EVC2: variants seen among roughly 807,000 people sequenced by gnomAD.
The protein encoded by EVC2 is limbin.
In EVC2, 148 loss-of-function variants were observed where a neutral mutation model predicts 149.3. That is an observed-to-expected ratio of 0.99 (90% confidence interval 0.87 to 1.14). The LOEUF (loss-of-function observed/expected upper bound fraction) is 1.14, where lower values mean the gene tolerates loss of function less well. EVC2 is among the 50% of genes most tolerant of loss of function. The probability of loss-of-function intolerance (pLI) is 0.00; values close to 1 mark genes in which losing one functional copy is unlikely to be tolerated. For missense variants in EVC2, 1,854 were observed against 1,627.3 expected, an observed-to-expected ratio of 1.14 and a Z score of -2.40; for synonymous variants, 776 against 649.9, an observed-to-expected ratio of 1.19 and a Z score of -2.95.
chr4:5,647,066 T>C (rs559882132), intron 9 of EVC2, among the ~76,000 whole-genome samples: 1 of 152,302 alleles, frequency 6.6e-6, no homozygotes, highest in East Asian at 1.9e-4. Flanking sequence ...CTGCAACTGC[T>C]TGATATGGAT....
intron 8 of EVC2, 143 bp downstream of exon 8, chr4:5,665,372 G>A (rs1411017697): frequency 1.7e-5 from 20 of 1,205,220 alleles, no homozygotes; most frequent in Non-Finnish European, 2.3e-5. Flanking sequence ...CAGCAGTTTT[G>A]GAGGTGGGCC....
At chr4:5,558,989 T>G (rs955679093), downstream of EVC2, among the ~76,000 whole-genome samples, 1 of 152,040 alleles carries the variant, frequency 6.6e-6, no homozygotes, top group Non-Finnish European at 1.5e-5. Context: ...GTCTTGGAGT[T>G]TGAGACCAGC....
downstream of EVC2, among the ~76,000 whole-genome samples, chr4:5,560,906 T>C (rs1475919094): frequency 6.6e-6 from 1 of 152,174 alleles, no homozygotes; most frequent in Non-Finnish European, 1.5e-5. The surrounding 1 kb of genome is among the most constrained non-coding windows in gnomAD (Gnocchi z 4.1). Context: ...AACACAGGCT[T>C]TCCCCAACAC....
chr4:5,631,961 G>A lies in EVC2; in HGVS notation c.1542C>T (p.Leu514=), dbSNP rs376252506. ...CAAAGTCTTCTTCTTGTTGCAAAGC[G>A]AGAGACTTCCTCAAGTGCTCCTGTT... is the stretch of plus-strand genomic sequence containing the variant. ...GLEQEHLRKS[L]ALQQEEDFAK... is the part of the protein sequence containing the mutation. The change falls in exon 11 of 22, where the codon CTC becomes CTT. Residue 514 remains leucine, a synonymous_variant. Transcript: ENST00000344408. The A allele has an allele frequency of 6.1e-5, 99 of 1,614,098 alleles. No individual in the cohort carries two copies. Among genetic ancestry groups the A allele is most frequent in the Non-Finnish European group, 7.6e-5 (90 of 1,180,050 alleles).
At position 5,637,721 on chromosome 4, in the gene EVC2, A is replaced by G. The variant is rs867243716; in HGVS notation, c.1470+2793T>C. Among the ~76,000 whole-genome samples, 1 of 152,116 alleles carries G rather than the reference A, an allele frequency of 6.6e-6. No individual in the cohort carries two copies. Among genetic ancestry groups the G allele is most frequent in the Non-Finnish European group, 1.5e-5 (1 of 67,994 alleles). ...TGAAGGCTGCCTGAGCCATCCCTGT[A>G]TCTCCAGGGTTAGGTATACAATAGA... On this transcript the variant is annotated intron_variant, in intron 10 of 21. Coordinates refer to ENST00000344408, the MANE Select transcript of EVC2 (RefSeq NM_147127.5). This position sits in a 1 kb window ranked among gnomAD's most constrained non-coding sequence, Gnocchi z 4.4.
In EVC2 at chr4:5,657,560, T is replaced by C. The variant is rs1718604432; in HGVS notation, c.1145+5547A>G. Among the ~76,000 whole-genome samples the C allele has an allele frequency of 6.6e-6, 1 of 151,928 alleles. No individual in the cohort carries two copies. The highest frequency in any genetic ancestry group is 1.5e-5 in the Non-Finnish European group (1 of 67,982). ...CTAATCTTTGCTATCATGTACCTTA[T>C]AGCCTCAAATTTTCTCTGCAGGCGA... On this transcript the variant is annotated intron_variant, in intron 9 of 21. Coordinates refer to ENST00000344408, the MANE Select transcript of EVC2 (RefSeq NM_147127.5). The surrounding 1 kb of genome is among the most constrained non-coding windows in gnomAD (Gnocchi z 4.7).
intron 4 of EVC2, among the ~76,000 whole-genome samples, chr4:5,690,780 C>G (rs1404732222): frequency 6.6e-6 from 1 of 152,110 alleles, no homozygotes; most frequent in Non-Finnish European, 1.5e-5. Flanking sequence ...TAATCTATAC[C>G]CTTTCTCTGT....
the EVC2 span, among the ~76,000 whole-genome samples, chr4:5,531,301 A>T: frequency 3.9e-5 from 6 of 152,174 alleles, no homozygotes; most frequent in Non-Finnish European, 7.4e-5. Flanking sequence ...CCTTGGTTTC[A>T]GGAGATTGGT....
At chr4:5,678,859 C>T (rs145775376) in intron 7 of EVC2, among the ~76,000 whole-genome samples, 1,717 of 151,982 alleles carry the variant, frequency 0.011, 33 homozygotes, top group East Asian at 0.061. Context: ...GGTAAAACCC[C>T]GTCTCTACTA....
At chr4:5,673,572 A>C (rs1039157133) in intron 7 of EVC2, among the ~76,000 whole-genome samples, 1 of 150,122 alleles carries the variant, frequency 6.7e-6, no homozygotes, top group Non-Finnish European at 1.5e-5. Context: ...CTTCCCCCCC[A>C]GAGTCCTCCT....
intron 16 of EVC2, among the ~76,000 whole-genome samples, chr4:5,592,054 A>G (rs577429569): frequency 1.3e-5 from 2 of 152,304 alleles, no homozygotes; most frequent in South Asian, 4.1e-4. Flanking sequence ...TTAATAAATC[A>G]CACCTCTCCT....
intron 16 of EVC2, among the ~76,000 whole-genome samples, chr4:5,610,532 T>C (rs1021932002): frequency 2.0e-5 from 3 of 152,194 alleles, no homozygotes; most frequent in Non-Finnish European, 2.9e-5. Context: ...GTGAAGGGTC[T>C]AGCTTGTGCA....
rs1202308577 is a variant in EVC2 at position 5,641,578 on chromosome 4, C to G, written c.1146-740G>C. 2.0e-5 allele frequency among the ~76,000 whole-genome samples: 3 copies of G among 152,150 alleles called. No homozygotes were observed. The East Asian group carries it at 5.8e-4, about 29-fold the overall frequency. ...ACTGTATATACTTCCAGTAACACAT[C>G]AGACTGTACCCTTAAACTGTGTGAA... On this transcript the variant is annotated intron_variant, in intron 9 of 21. Coordinates refer to ENST00000344408, the MANE Select transcript of EVC2 (RefSeq NM_147127.5).
Position 5,565,242 on chromosome 4 carries a change from AGGTGCCCATCATTACCTC to A in EVC2, c.3657_3659+15del, listed in dbSNP as rs1722199338. ...TCACCCCCTCCCCAGCCACATGAGCAGGTGCCCATCATTACCTCTGCTTTCTCTTGCGGGCCCACAGCA... is the reference window on the plus strand; with the variant it reads ...TCACCCCCTCCCCAGCCACATGAGCATGCTTTCTCTTGCGGGCCCACAGCA... On this transcript the variant is annotated splice_donor_variant and splice_donor_5th_base_variant and coding_sequence_variant and intron_variant, in exon 21 of 22. Coordinates refer to ENST00000344408, the MANE Select transcript of EVC2 (RefSeq NM_147127.5). LOFTEE classifies it high-confidence loss of function. 1 of 1,612,440 alleles carries A rather than the reference AGGTGCCCATCATTACCTC, an allele frequency of 6.2e-7. No homozygotes were observed. Among genetic ancestry groups the A allele is most frequent in the Non-Finnish European group, 8.5e-7 (1 of 1,178,836 alleles).
At position 5,637,337 on chromosome 4, in the gene EVC2, C is replaced by A. The variant is rs944194179; in HGVS notation, c.1470+3177G>T. Among the ~76,000 whole-genome samples the A allele has an allele frequency of 1.3e-5, 2 of 152,186 alleles. No homozygotes were observed. Among genetic ancestry groups the A allele is most frequent in the Non-Finnish European group, 2.9e-5 (2 of 68,032 alleles). ...GTGCGCAGTGGTTGGGGGCATGCTG[C>A]TGGACATGAGGCTGACTGTCCTCGG... On this transcript the variant is annotated intron_variant, in intron 10 of 21. Coordinates refer to ENST00000344408, the MANE Select transcript of EVC2 (RefSeq NM_147127.5). The surrounding 1 kb of genome is among the most constrained non-coding windows in gnomAD (Gnocchi z 4.4).
chr4:5,575,751 A>T (rs1227728100), intron 18 of EVC2, among the ~76,000 whole-genome samples: 1 of 152,272 alleles, frequency 6.6e-6, no homozygotes. Context: ...ATTGAAAAAC[A>T]ACGCAAAGAA....
chr4:5,628,863 A>C (rs1577179547), intron 11 of EVC2, 129 bp from the exon 12 acceptor site: 1 of 925,616 alleles, frequency 1.1e-6, no homozygotes, highest in South Asian at 1.6e-5. Flanking sequence ...GAGAATTAAC[A>C]CCTTTAACCT....
chr4:5,628,451 C>T (rs1716281056), intron 12 of EVC2, 108 bp downstream of exon 12: 2 of 1,419,362 alleles, frequency 1.4e-6, no homozygotes, highest in Non-Finnish European at 9.7e-7. Flanking sequence ...GAACTATGAA[C>T]CAAATATATC....
intron 16 of EVC2, among the ~76,000 whole-genome samples, chr4:5,601,304 A>G (rs1054020202): frequency 6.6e-6 from 1 of 152,212 alleles, no homozygotes; most frequent in Non-Finnish European, 1.5e-5. Flanking sequence ...AAAATCTTTA[A>G]TATTCTTAGA....
Sources: gnomAD v4.1 joint callset for allele counts (sites outside exome capture counted in the v4.1 genomes callset) on GRCh38, gnomAD v4.1.1 for gene constraint, Gnocchi (gnomAD v3.1) non-coding constraint, MANE v1.5 for transcripts, NCBI Gene and HGNC (gene_info 2026-07-23, HGNC 2026-07-21) for gene names.